TAF6: variants seen among roughly 807,000 people sequenced by gnomAD.
TAF6 encodes the protein TATA-box binding protein associated factor 6.
TAF6 carries 50 observed loss-of-function variants against 73.5 expected under a neutral mutation model. The ratio of observed to expected loss-of-function variants is 0.68; its 90% CI spans 0.54 to 0.86. TAF6 has a LOEUF of 0.86. TAF6 is among the 40% of genes least tolerant of loss of function. The pLI is 0.00. For missense variants in TAF6, 768 were observed against 899.5 expected, an observed-to-expected ratio of 0.85 and a Z score of 1.87; for synonymous variants, 424 against 376.7, an observed-to-expected ratio of 1.13 and a Z score of -1.45.
Position 100,108,383 on chromosome 7 carries a change from G to A in TAF6, c.1442C>T (p.Thr481Ile). The A allele has an allele frequency of 6.2e-7, 1 of 1,610,048 alleles. No individual in the cohort carries two copies. The highest frequency in any genetic ancestry group is 2.2e-5 in the East Asian group (1 of 44,740). ...GCCACGGACCTGCGTGATGGTCAGA[G>A]TGGTCCTGTTGACCTGCTGAGCCTG... The part of the protein sequence containing the change: ...ALQAQQVNRT[T>I]LTITQPRPTL... Residue 481 changes from threonine (T) to isoleucine (I), a missense_variant, in exon 13 of 15, where the codon ACT (threonine) becomes ATT (isoleucine). Coordinates refer to ENST00000453269, the MANE Select transcript of TAF6 (RefSeq NM_139315.3).
chr7:100,122,173 T>G, upstream of TAF6: 1 of 1,550,404 alleles, frequency 6.4e-7, no homozygotes, highest in African/African-American at 1.4e-5. Context: ...TGCACTTGTA[T>G]GCTCTGCTGC....
At chr7:100,118,344 T>A (rs1158262615) in intron 1 of TAF6, 1 of 125,726 alleles carries the variant, frequency 8.0e-6, no homozygotes, top group South Asian at 2.5e-4. Context: ...AGAGAGAGAC[T>A]CCATCTCAAA....
upstream of TAF6, among the ~76,000 whole-genome samples, chr7:100,121,769 G>A (rs1002201203): frequency 1.3e-5 from 2 of 151,420 alleles, no homozygotes; most frequent in Admixed American, 6.6e-5. Context: ...TGAAGAAACC[G>A]GCCGGGCGTG....
At chr7:100,114,295 G>T in intron 1 of TAF6, 27 bp from the exon 2 acceptor site, 1 of 1,606,056 alleles carries the variant, frequency 6.2e-7, no homozygotes, top group Non-Finnish European at 8.5e-7. Context: ...GCAGGCAGAA[G>T]AAAAAGAAAC....
At chr7:100,119,595 G>A, upstream of TAF6, 1 of 1,507,158 alleles carries the variant, frequency 6.6e-7, no homozygotes, top group South Asian at 1.2e-5. Flanking sequence ...TAGCAACGAG[G>A]CCCCACCCTT....
chr7:100,114,570 A>G (rs1477680931), intron 1 of TAF6: 2 of 577,252 alleles, frequency 3.5e-6, no homozygotes, highest in Non-Finnish European at 6.2e-6. Flanking sequence ...AAATACAAAA[A>G]TTAGCAGGGC....
Position 100,112,925 on chromosome 7 carries a change from G to A in TAF6, c.455-8C>T, listed in dbSNP as rs185350046. The A allele has an allele frequency of 6.2e-7, 1 of 1,610,586 alleles. No individual in the cohort carries two copies. The highest frequency in any genetic ancestry group is 1.3e-5 in the African/African-American group (1 of 74,698). On this transcript the variant is annotated splice_polypyrimidine_tract_variant and splice_region_variant and intron_variant, in intron 5 of 14. Transcript: ENST00000453269. ...TCTGTTGCTCTTTGGGAGCTGGTGGGAAAGCAGGCACAGCGGGAGGGGTGA... is the reference window on the plus strand; with the variant it reads ...TCTGTTGCTCTTTGGGAGCTGGTGGAAAAGCAGGCACAGCGGGAGGGGTGA...
At chr7:100,107,801 T>TGGGC (rs1796701197) in intron 14 of TAF6, 125 bp downstream of exon 14, 1 of 1,382,428 alleles carries the variant, frequency 7.2e-7, no homozygotes, top group Non-Finnish European at 9.7e-7. Flanking sequence ...AGGACCCTGG[T>TGGGC]GGGCGCCTCT....
chr7:100,126,429 G>A, the TAF6 span, among the ~76,000 whole-genome samples: 1 of 152,224 alleles, frequency 6.6e-6, no homozygotes, highest in African/African-American at 2.4e-5. Context: ...GCTAGAACCA[G>A]GGGTTCAAGA....
At chr7:100,119,558 GC>G, upstream of TAF6, 1 of 1,399,802 alleles carries the variant, frequency 7.1e-7, no homozygotes, top group Non-Finnish European at 9.5e-7. Context: ...TTCAAGAGGC[GC>G]CACAAAACGG....
intron 14 of TAF6, 26 bp downstream of exon 14, chr7:100,107,900 G>A (rs1302841163): frequency 3.2e-6 from 5 of 1,579,392 alleles, no homozygotes; most frequent in Non-Finnish European, 4.3e-6. Context: ...CCCTCCAGAT[G>A]CTCCCTGTCC....
rs1406077522 is a variant in TAF6, at chr7:100,107,212, A to G, written c.*34T>C. On this transcript the variant is annotated 3_prime_UTR_variant, in exon 15 of 15. Transcript: ENST00000453269. ...TACGTGCACGTGTGTACATGTCTGC[A>G]TGTGTGGGAATCCGGGGGCTGGCAG... 1.3e-6 allele frequency: 2 copies of G among 1,518,440 alleles called. No homozygotes were observed. The highest frequency in any genetic ancestry group is 1.4e-5 in the African/African-American group (1 of 71,676). The allele number at this position is 1,518,440 out of a possible 1,614,324, so 94.1% of individuals were successfully genotyped here. A position where few individuals can be genotyped will look rare whatever the true frequency, so the allele number is the denominator to read the frequency against.
At position 100,119,274 on chromosome 7, in the gene TAF6, G is replaced by C; in HGVS notation, c.-130C>G. On this transcript the variant is annotated 5_prime_UTR_variant, in exon 1 of 15. Coordinates refer to ENST00000453269, the MANE Select transcript of TAF6 (RefSeq NM_139315.3). ...CGGGGTACCACTCAGACCCGCCCCC[G>C]CCACCCGAGCGCGGGGAGCAGGAAA... 1 of 1,023,162 alleles carries C rather than the reference G, an allele frequency of 9.8e-7. No homozygotes were observed. Among genetic ancestry groups the C allele is most frequent in the Non-Finnish European group, 1.2e-6 (1 of 850,918 alleles). The allele number at this position is 1,023,162 out of a possible 1,614,324, so 63.4% of individuals were successfully genotyped here.
chr7:100,123,269 G>C (rs563324527), upstream of TAF6, among the ~76,000 whole-genome samples: 23 of 152,058 alleles, frequency 1.5e-4, no homozygotes, highest in Middle Eastern at 3.4e-3. Context: ...TTGAATCCAG[G>C]AGGTGGAGGT....
chr7:100,111,070 C>A, intron 10 of TAF6, 69 bp downstream of exon 10: 1 of 1,559,768 alleles, frequency 6.4e-7, no homozygotes, highest in Non-Finnish European at 8.7e-7. Flanking sequence ...CCCTTGTTTC[C>A]AGTGTGACTT....
At chr7:100,122,510 AT>A, upstream of TAF6, 1 of 1,613,818 alleles carries the variant, frequency 6.2e-7, no homozygotes, top group Non-Finnish European at 8.5e-7. Flanking sequence ...GCCTTAGAGA[AT>A]TTATGTGAGC....
chr7:100,114,391 G>A (rs1195240544), intron 1 of TAF6, 123 bp from the exon 2 acceptor site: 1 of 994,696 alleles, frequency 1.0e-6, no homozygotes, highest in Non-Finnish European at 1.5e-6. Context: ...CCCCACGTGA[G>A]TCAGCCCTGA....
At chr7:100,116,218 C>T (rs1486409705) in intron 1 of TAF6, among the ~76,000 whole-genome samples, 13 of 152,220 alleles carry the variant, frequency 8.5e-5, no homozygotes, top group Non-Finnish European at 1.9e-4. Flanking sequence ...TAAAGTAAAA[C>T]CTGAAATCCT....
At chr7:100,122,597 C>T (rs1216721134), upstream of TAF6, 1 of 1,573,458 alleles carries the variant, frequency 6.4e-7, no homozygotes, top group South Asian at 1.2e-5. Context: ...TTCCCCAGGG[C>T]AGGACCCCAC....
Sources: gnomAD v4.1 joint callset for allele counts (sites outside exome capture counted in the v4.1 genomes callset) on GRCh38, gnomAD v4.1.1 for gene constraint, MANE v1.5 for transcripts, NCBI Gene and HGNC (gene_info 2026-07-23, HGNC 2026-07-21) for gene names.